The following INPP5D variants were observed in gnomAD, a reference collection of about 807,000 sequenced individuals.
INPP5D encodes the protein phosphatidylinositol 3,4,5-trisphosphate 5-phosphatase 1.
Under a neutral mutation model 122.9 loss-of-function variants are expected in INPP5D, and 33 were observed. That is an observed-to-expected ratio of 0.27 (90% confidence interval 0.20 to 0.36). The LOEUF (loss-of-function observed/expected upper bound fraction) is 0.36, where lower values mean the gene tolerates loss of function less well. INPP5D is among the 10% of genes least tolerant of loss of function. The pLI is 1.00. For missense variants in INPP5D, 1,053 were observed against 1,412.7 expected, an observed-to-expected ratio of 0.75 and a Z score of 4.08; for synonymous variants, 584 against 576.2, an observed-to-expected ratio of 1.01 and a Z score of -0.19.
In INPP5D at chr2:233,204,587, A is replaced by G; in HGVS notation, c.3437A>G (p.Lys1146Arg). Reference protein sequence around the residue: ...TPTPRPPLPVKSPAVLHLQHS... With the variant: ...TPTPRPPLPVRSPAVLHLQHS... ...ACGCCGCGGCCGCCGCTGCCAGTCAAGAGCCCGGCGGTGCTGCACCTCCAG... is the reference window on the plus strand; with the variant it reads ...ACGCCGCGGCCGCCGCTGCCAGTCAGGAGCCCGGCGGTGCTGCACCTCCAG... The change falls in exon 26 of 27, where the codon AAG (lysine) becomes AGG (arginine). Residue 1146 changes from lysine (K) to arginine (R), a missense_variant. By Grantham distance (26) the Lys-to-Arg change is conservative (BLOSUM62 2). Transcript: ENST00000445964. 3.2e-6 allele frequency: 5 copies of G among 1,568,012 alleles called. No individual in the cohort carries two copies. The highest frequency in any genetic ancestry group is 4.3e-6 in the Non-Finnish European group (5 of 1,157,808).
At chr2:233,065,828 G>A (rs2106196034) in intron 1 of INPP5D, among the ~76,000 whole-genome samples, 1 of 151,612 alleles carries the variant, frequency 6.6e-6, no homozygotes, top group East Asian at 1.9e-4. Flanking sequence ...TGTATTTTTA[G>A]TAGCGATGGG....
chr2:233,100,161 G>A lies in INPP5D; in HGVS notation c.198+20763G>A, dbSNP rs1692270195. On this transcript the variant is annotated intron_variant, in intron 2 of 26. Transcript: ENST00000445964. This position sits in a 1 kb window ranked among gnomAD's most constrained non-coding sequence, Gnocchi z 5.3. ...CAGAGTGGAAGCATTCCCTTTCAAT[G>A]GGGCAGTTCTCTTTGATGTGTCACC... 6.6e-6 allele frequency among the ~76,000 whole-genome samples: 1 copy of A among 152,150 alleles called. No individual in the cohort carries two copies. The highest frequency in any genetic ancestry group is 6.5e-5 in the Admixed American group (1 of 15,276).
intron 9 of INPP5D, among the ~76,000 whole-genome samples, chr2:233,154,508 T>C (rs1693998364): frequency 2.0e-5 from 3 of 152,194 alleles, no homozygotes; most frequent in Admixed American, 6.5e-5. Context: ...CAGGTTTTAT[T>C]TTCTGTAACT....
intron 2 of INPP5D, among the ~76,000 whole-genome samples, chr2:233,099,827 A>G (rs534186650): frequency 6.6e-6 from 1 of 152,362 alleles, no homozygotes; most frequent in East Asian, 1.9e-4. Flanking sequence ...TGATAAAGAC[A>G]TACCTAAGAC....
chr2:233,178,160 T>C (rs1371883889), intron 18 of INPP5D, among the ~76,000 whole-genome samples: 1 of 152,188 alleles, frequency 6.6e-6, no homozygotes, highest in African/African-American at 2.4e-5. Flanking sequence ...AGCCAGGCAC[T>C]GTGCCACGTA....
rs1160458605 is a variant in INPP5D, at chr2:233,078,840, G to A, written c.135-495G>A. Among the ~76,000 whole-genome samples, 6 of 152,058 alleles carry A rather than the reference G, an allele frequency of 3.9e-5. No homozygotes were observed. The highest frequency in any genetic ancestry group is 4.2e-4 in the South Asian group (2 of 4,814). ...TGGGACTACAGGTGTGCGCCACCAC[G>A]CCCAGCTAATTTTTGTATTTTTAGT... On this transcript the variant is annotated intron_variant, in intron 1 of 26. Transcript: ENST00000445964. The surrounding 1 kb of genome is among the most constrained non-coding windows in gnomAD (Gnocchi z 4.6).
At chr2:233,098,420 C>T (rs1374415152) in intron 2 of INPP5D, among the ~76,000 whole-genome samples, 2 of 152,226 alleles carry the variant, frequency 1.3e-5, no homozygotes, top group Admixed American at 6.5e-5. Flanking sequence ...AGACGTGGTG[C>T]TGGAGGCGTG....
At position 233,101,195 on chromosome 2, in the gene INPP5D, C is replaced by T. The variant is rs1450861418; in HGVS notation, c.199-20912C>T. On this transcript the variant is annotated intron_variant, in intron 2 of 26. Transcript: ENST00000445964. ...AGTTCTCCAGGGAAGAAAACAAGCC[C>T]GTGATTTGTAGTGTTTGCCTATTTC... Among the ~76,000 whole-genome samples, 6 of 152,110 alleles carry T rather than the reference C, an allele frequency of 3.9e-5. No individual in the cohort carries two copies. In the South Asian group the frequency reaches 8.3e-4, roughly 21 times the overall value.
At chr2:233,075,327 C>T (rs1440184829) in intron 1 of INPP5D, among the ~76,000 whole-genome samples, 2 of 152,156 alleles carry the variant, frequency 1.3e-5, no homozygotes, top group Admixed American at 6.5e-5. Context: ...CAGCTGAGAG[C>T]CAGTGTTAGC....
intron 2 of INPP5D, among the ~76,000 whole-genome samples, chr2:233,098,936 TTTTATTTATTTA>T (rs57540040): frequency 3.4e-5 from 5 of 145,986 alleles, no homozygotes; most frequent in Non-Finnish European, 4.5e-5. Flanking sequence ...GGAACTTTAT[TTTTATTTATTTA>T]TTTATTTATT....
At chr2:233,107,804 G>A (rs1253460664) in intron 2 of INPP5D, among the ~76,000 whole-genome samples, 2 of 152,122 alleles carry the variant, frequency 1.3e-5, no homozygotes, top group South Asian at 4.1e-4. Flanking sequence ...GCCCCAGCTG[G>A]CGGGTGGTTG....
intron 2 of INPP5D, among the ~76,000 whole-genome samples, chr2:233,101,891 T>C (rs1468935398): frequency 1.3e-5 from 2 of 151,870 alleles, no homozygotes; most frequent in Non-Finnish European, 2.9e-5. Context: ...TCCTTGACTG[T>C]GTGATCAGGG....
rs1694984711 is a variant in INPP5D at position 233,188,922 on chromosome 2, G to T, written c.2359-928G>T. ...CCTGTTGGCCAACATGGTGCCCAGAGCCCTGTACCAGGAGCCTTTTGGTGT... is the reference window on the plus strand; with the variant it reads ...CCTGTTGGCCAACATGGTGCCCAGATCCCTGTACCAGGAGCCTTTTGGTGT... On this transcript the variant is annotated intron_variant, in intron 21 of 26. Transcript: ENST00000445964. This position sits in a 1 kb window ranked among gnomAD's most constrained non-coding sequence, Gnocchi z 4.7. Among the ~76,000 whole-genome samples, 1 of 152,188 alleles carries T rather than the reference G, an allele frequency of 6.6e-6. No homozygotes were observed. The highest frequency in any genetic ancestry group is 6.5e-5 in the Admixed American group (1 of 15,282).
chr2:233,061,755 C>T (rs1474963443), intron 1 of INPP5D, among the ~76,000 whole-genome samples: 2 of 152,212 alleles, frequency 1.3e-5, no homozygotes, highest in Non-Finnish European at 2.9e-5. Flanking sequence ...AAGTGAGTGA[C>T]AACAGTCAAA....
chr2:233,088,421 G>A lies in INPP5D; in HGVS notation c.198+9023G>A, dbSNP rs546497291. 5.9e-5 allele frequency among the ~76,000 whole-genome samples: 9 copies of A among 152,310 alleles called. No individual in the cohort carries two copies. In the East Asian group the frequency reaches 1.3e-3, roughly 23 times the overall value. ...CTTTTGACGTCCACGTGAGGCTGCCGATGCTTCCCGAGATGTCCCGAGACA... is the reference window on the plus strand; with the variant it reads ...CTTTTGACGTCCACGTGAGGCTGCCAATGCTTCCCGAGATGTCCCGAGACA... On this transcript the variant is annotated intron_variant, in intron 2 of 26. Transcript: ENST00000445964.
At chr2:233,086,619 G>A (rs1458223039) in intron 2 of INPP5D, among the ~76,000 whole-genome samples, 8 of 152,060 alleles carry the variant, frequency 5.3e-5, no homozygotes, top group African/African-American at 1.9e-4. Context: ...GGTCCTGGAT[G>A]ATGCCCTTGA....
At chr2:233,196,336 T>C (rs866760932) in intron 24 of INPP5D, among the ~76,000 whole-genome samples, 1 of 152,246 alleles carries the variant, frequency 6.6e-6, no homozygotes, top group African/African-American at 2.4e-5. Context: ...AAAGTTCAGT[T>C]TGACTCAGCT....
At chr2:233,137,848 AAAAAAATATATATATATATATATATAT>A (rs1693513467) in intron 5 of INPP5D, among the ~76,000 whole-genome samples, 2 of 14,320 alleles carry the variant, frequency 1.4e-4, no homozygotes, top group African/African-American at 3.9e-4. Context: ...AAAAAAAAAA[AAAAAAATATATATATATATATATATAT>A]ATATATATAT....
chr2:233,077,041 G>C (rs548129708), intron 1 of INPP5D, among the ~76,000 whole-genome samples: 5 of 152,240 alleles, frequency 3.3e-5, no homozygotes, highest in African/African-American at 1.2e-4. Flanking sequence ...ACTAATAAAC[G>C]TCAACACGTG....
Sources: allele counts gnomAD v4.1 joint callset (sites outside exome capture counted in the v4.1 genomes callset), GRCh38; gene constraint gnomAD v4.1.1; non-coding constraint Gnocchi (gnomAD v3.1); transcripts MANE v1.5; gene names NCBI Gene and HGNC (gene_info 2026-07-23, HGNC 2026-07-21).